Variants in TRMT5 observed in about 807,000 individuals in gnomAD.
The protein encoded by TRMT5 is tRNA (guanine(37)-N(1))-methyltransferase.
TRMT5 carries 31 observed loss-of-function variants against 42.2 expected under a neutral mutation model. The ratio of observed to expected loss-of-function variants is 0.73; its 90% CI spans 0.55 to 0.99. The LOEUF (loss-of-function observed/expected upper bound fraction) is 0.99, where lower values mean the gene tolerates loss of function less well. TRMT5 is among the 50% of genes least tolerant of loss of function. The pLI is 0.00. For synonymous variants in TRMT5, 198 were observed against 209.6 expected, an observed-to-expected ratio of 0.94 and a Z score of 0.48; for missense variants, 568 against 595.0, an observed-to-expected ratio of 0.95 and a Z score of 0.47.
Position 60,977,595 on chromosome 14 carries a change from T to G in TRMT5, c.711A>C (p.Val237=). 6.2e-7 allele frequency: 1 copy of G among 1,610,996 alleles called. No individual in the cohort carries two copies. Among genetic ancestry groups the G allele is most frequent in the Non-Finnish European group, 8.5e-7 (1 of 1,178,186 alleles). ...IDKNPGITSA[V]NKINNIDNMY... is the part of the protein sequence containing the mutation. Reference sequence around the variant, plus strand: ...TATTGTCAATATTATTTATTTTATTTACTGCTGAGGTGATTCCTGGATTTT... The same window carrying G: ...TATTGTCAATATTATTTATTTTATTGACTGCTGAGGTGATTCCTGGATTTT... Residue 237 remains valine (V), a synonymous_variant, in exon 3 of 5, where the codon GTA becomes GTC. Transcript: ENST00000261249.
Position 60,975,094 on chromosome 14 carries a change from A to T in TRMT5, c.*15T>A, listed in dbSNP as rs1392545288. 6.3e-7 allele frequency: 1 copy of T among 1,593,330 alleles called. No individual in the cohort carries two copies. Among genetic ancestry groups the T allele is most frequent in the Non-Finnish European group, 8.6e-7 (1 of 1,168,550 alleles). The stretch of plus-strand genomic sequence containing the variant: ...ACATGTAAGTCTGGTAGGGAGATGG[A>T]GAAAACATTTCCAATTAAGTGTTTG... On this transcript the variant is annotated 3_prime_UTR_variant, in exon 5 of 5. Coordinates refer to ENST00000261249, the MANE Select transcript of TRMT5 (RefSeq NM_020810.3).
At chr14:60,978,977 G>A (rs2036882131) in intron 2 of TRMT5, among the ~76,000 whole-genome samples, 1 of 152,136 alleles carries the variant, frequency 6.6e-6, no homozygotes, top group Non-Finnish European at 1.5e-5. Context: ...CAAAGCATGT[G>A]ATTCAAGTTT....
upstream of TRMT5, chr14:60,981,327 C>G (rs2036992693): frequency 6.2e-7 from 1 of 1,611,008 alleles, no homozygotes; most frequent in Admixed American, 1.7e-5. Context: ...TGGTATGTCT[C>G]TGTCCAGCAG....
At chr14:60,978,401 T>C (rs1169775636) in intron 2 of TRMT5, among the ~76,000 whole-genome samples, 1 of 152,216 alleles carries the variant, frequency 6.6e-6, no homozygotes, top group Admixed American at 6.5e-5. Context: ...TGTTTTTTAA[T>C]ATAGTATCAA....
chr14:60,972,298 T>C lies in TRMT5; in HGVS notation c.*2811A>G, dbSNP rs1363092081. 1 of 537,692 alleles carries C rather than the reference T, an allele frequency of 1.9e-6. No homozygotes were observed. The highest frequency in any genetic ancestry group is 5.0e-5 in the East Asian group (1 of 19,840). 33.3% of individuals were successfully genotyped at this position (537,692 alleles called of 1,614,324 possible). ...TCCTTGCCAGCATCAGCTTTTCTCT[T>C]TTTCCCTTTGGGTACCTTCTCTCCC... On this transcript the variant is annotated 3_prime_UTR_variant, in exon 5 of 5. Coordinates refer to ENST00000261249, the MANE Select transcript of TRMT5 (RefSeq NM_020810.3).
chr14:60,975,158 G>A lies in TRMT5; in HGVS notation c.1481C>T (p.Thr494Met), dbSNP rs114570574. 2.8e-4 allele frequency: 456 copies of A among 1,607,240 alleles called. No individual in the cohort carries two copies. The East Asian group carries it at 5.9e-3, about 21-fold the overall frequency. ...HEDPPLKRQR[T>M]AEAFSDEKTQ... ...TTTTTCGTCTGAAAAGGCTTCAGCC[G>A]TCCTCTGCCTTTTAAGAGGTGGATC... is the stretch of plus-strand genomic sequence containing the variant. Residue 494 changes from threonine to methionine, a missense_variant, in exon 5 of 5, where the codon ACG (threonine) becomes ATG (methionine). Physicochemically the swap from Thr to Met is moderately conservative, Grantham distance 81. Coordinates refer to ENST00000261249, the MANE Select transcript of TRMT5 (RefSeq NM_020810.3).
At chr14:60,981,270 A>T (rs1594932971), upstream of TRMT5, 2 of 1,595,156 alleles carry the variant, frequency 1.3e-6, no homozygotes, top group African/African-American at 2.7e-5. Flanking sequence ...AGTCAGCTGG[A>T]GAGCAGCATG....
rs1043104410 is a variant in TRMT5, at chr14:60,975,498, T to C, written c.1421A>G (p.Tyr474Cys). The stretch of plus-strand genomic sequence containing the variant: ...ACCTGGATTTCTGGTCTGGTTCTTG[T>C]AGAGGACAGAGGCAGGAATCTGAAA... Reference protein sequence around the residue: ...ITFQIPASVLYKNQTRNPENH... With the variant: ...ITFQIPASVLCKNQTRNPENH... The change falls in exon 4 of 5, where the codon TAC (tyrosine) becomes TGC (cysteine). Residue 474 changes from tyrosine to cysteine, a missense_variant. Physicochemically the swap from Tyr to Cys is radical, Grantham distance 194 (BLOSUM62 -2). Coordinates refer to ENST00000261249, the MANE Select transcript of TRMT5 (RefSeq NM_020810.3). 5 of 1,613,720 alleles carry C rather than the reference T, an allele frequency of 3.1e-6. No homozygotes were observed. Among genetic ancestry groups the C allele is most frequent in the Non-Finnish European group, 3.4e-6 (4 of 1,179,698 alleles).
At chr14:60,975,416 G>C in intron 4 of TRMT5, 59 bp downstream of exon 4, 6 of 1,560,666 alleles carry the variant, frequency 3.8e-6, no homozygotes, top group Non-Finnish European at 5.2e-6. Context: ...GTAAAACTGG[G>C]AGGAATTAGT....
At chr14:60,980,911 C>A (rs748032239) in intron 1 of TRMT5, 52 bp downstream of exon 1, 2 of 1,611,248 alleles carry the variant, frequency 1.2e-6, no homozygotes, top group Admixed American at 1.7e-5. Context: ...CAGCCCTGGG[C>A]GGGCTGGTAC....
At position 60,979,335 on chromosome 14, in the gene TRMT5, G is replaced by C; in HGVS notation, c.563C>G (p.Ala188Gly). Residue 188 changes from alanine (A) to glycine (G), a missense_variant, in exon 2 of 5, where the codon GCT becomes GGT. Physicochemically the swap from Ala to Gly is moderately conservative, Grantham distance 60 (BLOSUM62 0). Transcript: ENST00000261249. The stretch of plus-strand genomic sequence containing the variant: ...TACATCTTGACCTTCAGGAAGCACA[G>C]CTCTCAAGATTTCTTCTGACTTAAA... ...EHFKSEEILR[A>G]VLPEGQDVTS... is the part of the protein sequence containing the mutation. 1 of 1,614,050 alleles carries C rather than the reference G, an allele frequency of 6.2e-7. No homozygotes were observed.
rs1594925022 is a variant in TRMT5 at position 60,975,573 on chromosome 14, A to G, written c.1346T>C (p.Val449Ala). The G allele has an allele frequency of 5.6e-6, 9 of 1,614,216 alleles. No individual in the cohort carries two copies. In the East Asian group the frequency reaches 2.0e-4, roughly 36 times the overall value. ...LGISLEACSS[V>A]HLVRNVAPNK... ...TGGGGCCACATTTCTTACCAGGTGA[A>G]CTGAACTGCATGCCTCCAGAGAAAT... is the stretch of plus-strand genomic sequence containing the variant. Residue 449 changes from valine (V) to alanine (A), a missense_variant, in exon 4 of 5, where the codon GTT becomes GCT. Physicochemically the swap from Val to Ala is moderately conservative, Grantham distance 64. Coordinates refer to ENST00000261249, the MANE Select transcript of TRMT5 (RefSeq NM_020810.3).
chr14:60,975,958 A>G lies in TRMT5; in HGVS notation c.961T>C (p.Cys321Arg), dbSNP rs2036841248. ...TTGAGATCATTGGCAAATACAGTGC[A>G]GTTTTTCTTTGCTACTGGAATGGCA... ...PFAIPVAKKN[C>R]TVFANDLNPE... Residue 321 changes from cysteine to arginine, a missense_variant, in exon 4 of 5, where the codon TGC becomes CGC. Transcript: ENST00000261249. 1 of 1,614,186 alleles carries G rather than the reference A, an allele frequency of 6.2e-7. No homozygotes were observed. Among genetic ancestry groups the G allele is most frequent in the Non-Finnish European group, 8.5e-7 (1 of 1,180,022 alleles).
At position 60,979,233 on chromosome 14, in the gene TRMT5, A is replaced by G. The variant is rs766935145; in HGVS notation, c.665T>C (p.Ile222Thr). 2 of 1,600,370 alleles carry G rather than the reference A, an allele frequency of 1.2e-6. No homozygotes were observed. Among genetic ancestry groups the G allele is most frequent in the Non-Finnish European group, 1.7e-6 (2 of 1,173,382 alleles). The change falls in exon 2 of 5, where the codon ATT becomes ACT. Residue 222 changes from isoleucine (I) to threonine (T), a missense_variant and splice_region_variant. Coordinates refer to ENST00000261249, the MANE Select transcript of TRMT5 (RefSeq NM_020810.3). ...RDHQLPFKHLIGQVMIDKNPG... is the reference protein window; with the variant it reads ...RDHQLPFKHLTGQVMIDKNPG... The stretch of plus-strand genomic sequence containing the variant: ...GAATATTACTATGACACACGTACCA[A>G]TTAAATGTTTGAAAGGCAGCTGATG...
chr14:60,975,337 T>G, intron 4 of TRMT5, 138 bp downstream of exon 4: 1 of 1,317,384 alleles, frequency 7.6e-7, no homozygotes, highest in Non-Finnish European at 1.0e-6. Flanking sequence ...TTTAATGAAA[T>G]AGCCTTCTAT....
At chr14:60,979,184 T>A (rs751888127) in intron 2 of TRMT5, 47 bp downstream of exon 2, 57 of 1,492,688 alleles carry the variant, frequency 3.8e-5, no homozygotes, top group Middle Eastern at 1.8e-4. Flanking sequence ...AAATTAACAA[T>A]TTGCAAATTC....
chr14:60,981,456 G>A, upstream of TRMT5: 1 of 1,544,858 alleles, frequency 6.5e-7, no homozygotes, highest in South Asian at 1.2e-5. Context: ...ATAAGACCCA[G>A]AAAAGGAGGA....
Position 60,972,422 on chromosome 14 carries a change from G to A in TRMT5, c.*2687C>T. On this transcript the variant is annotated 3_prime_UTR_variant, in exon 5 of 5. Coordinates refer to ENST00000261249, the MANE Select transcript of TRMT5 (RefSeq NM_020810.3). ...TTCTCTGTGATTCATCCTTCACCTT[G>A]GCTTTATCTCCTTTAGCATCCCCTT... The A allele has an allele frequency of 3.8e-6, 2 of 533,044 alleles. No homozygotes were observed. Among genetic ancestry groups the A allele is most frequent in the Non-Finnish European group, 7.6e-6 (2 of 264,554 alleles). 33.0% of individuals were successfully genotyped at this position (533,044 alleles called of 1,614,324 possible). A position where few individuals can be genotyped will look rare whatever the true frequency, so the allele number is the denominator to read the frequency against.
In TRMT5 at chr14:60,977,736, G is replaced by C; in HGVS notation, c.668-98C>G. 2.4e-6 allele frequency: 3 copies of C among 1,267,100 alleles called. No individual in the cohort carries two copies. The South Asian group carries it at 5.2e-5, about 22-fold the overall frequency. The allele number at this position is 1,267,100 out of a possible 1,614,324, so 78.5% of individuals were successfully genotyped here. ...ACAGAAATGAGTTGTATTTCTTTTGGTTGATAAAGACTGCACCTACTGTGT... is the reference window on the plus strand; with the variant it reads ...ACAGAAATGAGTTGTATTTCTTTTGCTTGATAAAGACTGCACCTACTGTGT... On this transcript the variant is annotated intron_variant, in intron 2 of 4. Coordinates refer to ENST00000261249, the MANE Select transcript of TRMT5 (RefSeq NM_020810.3).
Sources: allele counts gnomAD v4.1 joint callset (sites outside exome capture counted in the v4.1 genomes callset), GRCh38; gene constraint gnomAD v4.1.1; transcripts MANE v1.5; gene names NCBI Gene and HGNC (gene_info 2026-07-23, HGNC 2026-07-21).